The following CTNNA3 variants were observed in gnomAD, a reference collection of about 807,000 sequenced individuals.
The protein encoded by CTNNA3 is catenin alpha-3.
CTNNA3 carries 76 observed loss-of-function variants against 95.7 expected under a neutral mutation model. The observed-to-expected ratio is 0.79, with a 90% CI of 0.66 to 0.96. The LOEUF is 0.96. Among genes scored for constraint, CTNNA3 ranks in the 40% least tolerant of loss-of-function variants. The probability of loss-of-function intolerance (pLI) is 0.00; values close to 1 mark genes in which losing one functional copy is unlikely to be tolerated. For synonymous variants in CTNNA3, 431 were observed against 374.4 expected (o/e 1.15, Z -1.74); for missense variants, 1,191 against 1,089.8 (o/e 1.09, Z -1.31).
chr10:66,863,348 T>C (rs1844029396), intron 7 of CTNNA3, among the ~76,000 whole-genome samples: 1 of 152,070 alleles, frequency 6.6e-6, no homozygotes, highest in African/African-American at 2.4e-5. Flanking sequence ...TCATCCGCTA[T>C]ATGGCATGGT....
chr10:67,018,273 G>A (rs1852784363), intron 7 of CTNNA3, among the ~76,000 whole-genome samples: 1 of 152,062 alleles, frequency 6.6e-6, no homozygotes, highest in Non-Finnish European at 1.5e-5. Context: ...TACAGCAAAT[G>A]TCTATGTTTT....
chr10:66,035,647 A>T (rs2079546397), intron 15 of CTNNA3, among the ~76,000 whole-genome samples: 1 of 151,970 alleles, frequency 6.6e-6, no homozygotes, highest in Non-Finnish European at 1.5e-5. Context: ...TACCTTACAC[A>T]AATTTCTTTA....
At chr10:66,897,651 T>C (rs141615507) in intron 7 of CTNNA3, among the ~76,000 whole-genome samples, 365 of 151,320 alleles carry the variant, frequency 2.4e-3, no homozygotes, top group African/African-American at 8.4e-3. Context: ...TTGTTAATAA[T>C]ATGAGTTACT....
At chr10:67,704,959 T>C (rs1250010903) in intron 1 of CTNNA3, among the ~76,000 whole-genome samples, 27 of 152,042 alleles carry the variant, frequency 1.8e-4, no homozygotes. Flanking sequence ...CATCAAAAAG[T>C]GGGCGAACGA....
intron 5 of CTNNA3, among the ~76,000 whole-genome samples, chr10:67,412,837 T>A (rs1022058820): frequency 3.3e-5 from 5 of 152,072 alleles, no homozygotes; most frequent in Non-Finnish European, 7.4e-5. Context: ...TAGAGTAGCC[T>A]TACAAGAGGT....
intron 13 of CTNNA3, among the ~76,000 whole-genome samples, chr10:66,171,010 A>G (rs1564725845): frequency 6.6e-6 from 1 of 151,908 alleles, no homozygotes; most frequent in South Asian, 2.1e-4. Flanking sequence ...GCAGGCACCT[A>G]TAATCCCAGC....
At chr10:66,482,074 T>C (rs904497543) in intron 11 of CTNNA3, among the ~76,000 whole-genome samples, 10 of 152,194 alleles carry the variant, frequency 6.6e-5, no homozygotes, top group Non-Finnish European at 1.0e-4. Context: ...AGATATATTC[T>C]AGCTGAAAGT....
intron 9 of CTNNA3, among the ~76,000 whole-genome samples, chr10:66,668,828 T>C (rs1161218850): frequency 6.6e-6 from 1 of 151,746 alleles, no homozygotes; most frequent in Non-Finnish European, 1.5e-5. Flanking sequence ...AAATAAATAA[T>C]AAAATATCTC....
chr10:67,521,642 A>G (rs1408973578), intron 5 of CTNNA3, among the ~76,000 whole-genome samples, 200 bp downstream of exon 5: 1 of 152,206 alleles, frequency 6.6e-6, no homozygotes, highest in African/African-American at 2.4e-5. Context: ...GGAAACCCCT[A>G]AAGTACACAT....
intron 2 of CTNNA3, among the ~76,000 whole-genome samples, chr10:67,623,903 G>A (rs750072872): frequency 3.9e-5 from 6 of 151,974 alleles, no homozygotes; most frequent in Non-Finnish European, 5.9e-5. Context: ...TGCAACCTCC[G>A]TCTCCCAGGT....
At chr10:67,712,084 C>T (rs951470370) in intron 1 of CTNNA3, among the ~76,000 whole-genome samples, 5 of 152,056 alleles carry the variant, frequency 3.3e-5, no homozygotes, top group African/African-American at 4.8e-5. Flanking sequence ...CACATGCACA[C>T]GTATGTTTAT....
intron 7 of CTNNA3, among the ~76,000 whole-genome samples, chr10:66,984,290 C>T (rs901883942): frequency 3.3e-5 from 5 of 152,112 alleles, no homozygotes; most frequent in African/African-American, 1.2e-4. Context: ...AGTTGATAAA[C>T]TGGCTAAAGG....
chr10:66,515,329 G>GTCTCTCTCTCTC lies in CTNNA3; in HGVS notation c.1531+5276_1531+5287dup, dbSNP rs373915427. ...TATGGAAAATAGTCTCTCCCTCTCTGTCTCTCTCTCTCTCTCTATATATAT... is the reference window on the plus strand; with the variant it reads ...TATGGAAAATAGTCTCTCCCTCTCTGTCTCTCTCTCTCTCTCTCTCTCTCTCTCTATATATAT... On this transcript the variant is annotated intron_variant, in intron 11 of 17. Transcript: ENST00000433211. Among the ~76,000 whole-genome samples the GTCTCTCTCTCTC allele has an allele frequency of 5.1e-3, 657 of 128,100 alleles. 11 individuals are homozygous for GTCTCTCTCTCTC. The highest frequency in any genetic ancestry group is 0.018 in the African/African-American group (611 of 34,022). The allele number at this position is 128,100 out of a possible 152,430, so 84.0% of individuals were successfully genotyped here. A position where few individuals can be genotyped will look rare whatever the true frequency, so the allele number is the denominator to read the frequency against.
At chr10:66,246,133 G>T (rs1006522445) in intron 13 of CTNNA3, among the ~76,000 whole-genome samples, 1 of 152,214 alleles carries the variant, frequency 6.6e-6, no homozygotes, top group African/African-American at 2.4e-5. Context: ...GTCATTCATG[G>T]TGCCTGGGCT....
At chr10:67,220,095 G>C (rs9651325) in intron 5 of CTNNA3, among the ~76,000 whole-genome samples, 68 of 152,042 alleles carry the variant, frequency 4.5e-4, no homozygotes, top group Non-Finnish European at 9.0e-4. Context: ...GGTCCCCGTA[G>C]AGCAGATGTG....
chr10:67,431,260 C>A (rs1055950265), intron 5 of CTNNA3, among the ~76,000 whole-genome samples: 16 of 151,978 alleles, frequency 1.1e-4, no homozygotes, highest in African/African-American at 3.9e-4. Context: ...CAGCTTTATT[C>A]CCTAGGAACT....
intron 1 of CTNNA3, among the ~76,000 whole-genome samples, chr10:67,727,077 C>CATATATAATTATATATA (rs576308688): frequency 2.8e-5 from 3 of 108,890 alleles, no homozygotes; most frequent in South Asian, 2.6e-4. Flanking sequence ...ATATATGATA[C>CATATATAATTATATATA]ATATATGATA....
intron 10 of CTNNA3, among the ~76,000 whole-genome samples, chr10:66,535,919 TAAAG>T: frequency 6.6e-6 from 1 of 152,068 alleles, no homozygotes; most frequent in Non-Finnish European, 1.5e-5. Context: ...GTGATGAAAA[TAAAG>T]AACACAAAAT....
At chr10:67,402,167 GA>G (rs1844947347) in intron 5 of CTNNA3, among the ~76,000 whole-genome samples, 1 of 152,202 alleles carries the variant, frequency 6.6e-6, no homozygotes, top group Non-Finnish European at 1.5e-5. Context: ...GAAGAAAGTT[GA>G]AACTCAATCC....
Sources: allele counts gnomAD v4.1 joint callset (sites outside exome capture counted in the v4.1 genomes callset), GRCh38; gene constraint gnomAD v4.1.1; transcripts MANE v1.5; gene names NCBI Gene and HGNC (gene_info 2026-07-23, HGNC 2026-07-21).